CDH15: variants seen among roughly 807,000 people sequenced by gnomAD.
The protein encoded by CDH15 is cadherin 15.
A neutral mutation model predicts 69.4 loss-of-function variants in CDH15; 73 were observed. The observed-to-expected ratio is 1.05, with a 90% CI of 0.87 to 1.28. The LOEUF (loss-of-function observed/expected upper bound fraction) is 1.28. Ranked by LOEUF, CDH15 falls within the 50% of genes most tolerant of loss-of-function variation. CDH15 has a pLI of 0.00. For synonymous variants in CDH15, 624 were observed against 507.7 expected (o/e 1.23, Z -3.08); for missense variants, 1,343 against 1,133.6 (o/e 1.18, Z -2.65).
chr16:89,193,543 C>T lies in CDH15; in HGVS notation c.1929C>T (p.Pro643=). 6.2e-7 allele frequency: 1 copy of T among 1,611,728 alleles called. No individual in the cohort carries two copies. The highest frequency in any genetic ancestry group is 1.3e-5 in the African/African-American group (1 of 74,932). Residue 643 remains proline, a synonymous_variant, in exon 12 of 14, where the codon CCC becomes CCT. Coordinates refer to ENST00000289746, the MANE Select transcript of CDH15 (RefSeq NM_004933.3). ...GGGGCAAGGGGCTGCTGCACGGCCCCCAGGACGACCTTCGAGACAATGTCC... is the reference window on the plus strand; with the variant it reads ...GGGGCAAGGGGCTGCTGCACGGCCCTCAGGACGACCTTCGAGACAATGTCC... The part of the protein sequence containing the change: ...QSRGKGLLHG[P]QDDLRDNVLN...
At chr16:89,177,483 G>A (rs1028277496) in intron 1 of CDH15, among the ~76,000 whole-genome samples, 5 of 152,148 alleles carry the variant, frequency 3.3e-5, no homozygotes, top group African/African-American at 1.2e-4. Context: ...CCTCCAGGGA[G>A]GAGGGTCACC....
chr16:89,190,017 C>T (rs1230300593), intron 7 of CDH15, among the ~76,000 whole-genome samples: 1 of 152,250 alleles, frequency 6.6e-6, no homozygotes, highest in African/African-American at 2.4e-5. Flanking sequence ...GGAGTATGTG[C>T]TTGAACCCTG....
At chr16:89,183,737 G>A (rs2287357) in intron 4 of CDH15, 45 bp downstream of exon 4, 214,769 of 1,551,940 alleles carry the variant, frequency 0.14, 16,859 homozygotes, top group East Asian at 0.38. Context: ...CTGCAAGGAA[G>A]GGCTCTGTGA....
intron 10 of CDH15, 25 bp downstream of exon 10, chr16:89,191,919 C>G: frequency 1.3e-6 from 2 of 1,521,986 alleles, no homozygotes; most frequent in Non-Finnish European, 1.8e-6. Flanking sequence ...CCGCCGCGCT[C>G]CCCCCATCCC....
chr16:89,187,513 C>G lies in CDH15; in HGVS notation c.748C>G (p.Leu250Val), dbSNP rs534958255. ...LTATASAIIT[L>V]DDINDNAPEF... ...AGCCACTGCCTCAGCCATCATCACC[C>G]TTGATGACATCAATGACAATGCCCC... The change falls in exon 6 of 14, where the codon CTT (leucine) becomes GTT (valine). Residue 250 changes from leucine (L) to valine (V), a missense_variant. Leu to Val is a conservative substitution (Grantham distance 32). Coordinates refer to ENST00000289746, the MANE Select transcript of CDH15 (RefSeq NM_004933.3). 4 of 1,613,604 alleles carry G rather than the reference C, an allele frequency of 2.5e-6. No individual in the cohort carries two copies. The South Asian group carries it at 3.3e-5, about 13-fold the overall frequency.
chr16:89,195,063 G>A lies in CDH15; in HGVS notation c.2353G>A (p.Gly785Arg), dbSNP rs149307887. The A allele has an allele frequency of 9.3e-4, 1,503 of 1,612,508 alleles. 16 individuals carry two copies. The East Asian group carries it at 0.025, about 27-fold the overall frequency. ...GGCAGACATGTATGGGCACCCGTGCGGGTTGGAGTACGGGGCCAGATGGGA... is the reference window on the plus strand; with the variant it reads ...GGCAGACATGTATGGGCACCCGTGCAGGTTGGAGTACGGGGCCAGATGGGA... ...RLADMYGHPC[G>R]LEYGARWDHQ... Residue 785 changes from glycine to arginine, a missense_variant, in exon 14 of 14, where the codon GGG becomes AGG. By Grantham distance (125) the Gly-to-Arg change is moderately radical (BLOSUM62 -2). Coordinates refer to ENST00000289746, the MANE Select transcript of CDH15 (RefSeq NM_004933.3).
In CDH15 at chr16:89,191,905, C is replaced by T. The variant is rs778614357; in HGVS notation, c.1615+11C>T. On this transcript the variant is annotated intron_variant, in intron 10 of 13. Coordinates refer to ENST00000289746, the MANE Select transcript of CDH15 (RefSeq NM_004933.3). ...TCAGCCAGGTCAACGGTGCGCTCCC[C>T]TCACCGCCGCGCTCCCCCCATCCCC... 7.1e-6 allele frequency: 11 copies of T among 1,541,128 alleles called. No individual in the cohort carries two copies. In the East Asian group the frequency reaches 2.4e-4, roughly 34 times the overall value.
intron 7 of CDH15, among the ~76,000 whole-genome samples, chr16:89,188,663 T>C (rs1236808180): frequency 2.5e-5 from 3 of 120,464 alleles, no homozygotes; most frequent in Admixed American, 9.1e-5. Flanking sequence ...CACACACAGA[T>C]GCCCACACAC....
intron 8 of CDH15, among the ~76,000 whole-genome samples, chr16:89,190,702 C>A (rs1193198729): frequency 6.6e-6 from 1 of 152,098 alleles, no homozygotes; most frequent in Non-Finnish European, 1.5e-5. Flanking sequence ...AGGCCCAACT[C>A]CAGCCTGTGC....
chr16:89,191,988 G>T, intron 10 of CDH15, 94 bp downstream of exon 10: 1 of 1,309,976 alleles, frequency 7.6e-7, no homozygotes, highest in Non-Finnish European at 1.0e-6. Flanking sequence ...TGAGGGGCAT[G>T]CAAACCCGTG....
Position 89,191,671 on chromosome 16 carries a change from C to T in CDH15, c.1392C>T (p.Thr464=), listed in dbSNP as rs768449943. Reference sequence around the variant, plus strand: ...CGCCTGCAGCCTCCCAGCCCCGCACCGCCACCGGCACCCTGTCCATCGAGA... The same window carrying T: ...CGCCTGCAGCCTCCCAGCCCCGCACTGCCACCGGCACCCTGTCCATCGAGA... ...LAQDDASQPR[T]ATGTLSIEIL... Residue 464 remains threonine, a synonymous_variant, in exon 10 of 14, where the codon ACC becomes ACT. Coordinates refer to ENST00000289746, the MANE Select transcript of CDH15 (RefSeq NM_004933.3). The T allele has an allele frequency of 1.9e-5, 30 of 1,594,054 alleles. No homozygotes were observed. The highest frequency in any genetic ancestry group is 4.5e-5 in the South Asian group (4 of 89,832).
At chr16:89,180,997 C>CTTTTTTTTTTTTTTTTTTTTTTTTT (rs1567771877) in intron 3 of CDH15, among the ~76,000 whole-genome samples, 1 of 70,024 alleles carries the variant, frequency 1.4e-5, no homozygotes, top group African/African-American at 6.0e-5. Context: ...TGAGATGGAG[C>CTTTTTTTTTTTTTTTTTTTTTTTTT]TTCACTCTAC....
In CDH15 at chr16:89,180,261, A is replaced by G. The variant is rs1431673236; in HGVS notation, c.263A>G (p.Asp88Gly). Residue 88 changes from aspartate (D) to glycine (G), a missense_variant, in exon 3 of 14, where the codon GAT (aspartate) becomes GGT (glycine). Asp to Gly is a moderately conservative substitution (Grantham distance 94). Transcript: ENST00000289746. The part of the protein sequence containing the change: ...VIYSIQGPGV[D>G]EEPRGVFSID... Reference sequence around the variant, plus strand: ...TACAGCATCCAGGGACCCGGCGTGGATGAGGAGCCCCGGGGCGTCTTCTCT... The same window carrying G: ...TACAGCATCCAGGGACCCGGCGTGGGTGAGGAGCCCCGGGGCGTCTTCTCT... 6.2e-7 allele frequency: 1 copy of G among 1,610,556 alleles called. No homozygotes were observed. Among genetic ancestry groups the G allele is most frequent in the Admixed American group, 1.7e-5 (1 of 59,702 alleles).
At position 89,191,738 on chromosome 16, in the gene CDH15, C is replaced by T. The variant is rs1350003949; in HGVS notation, c.1459C>T (p.Pro487Ser). The T allele has an allele frequency of 6.2e-7, 1 of 1,604,414 alleles. No homozygotes were observed. The highest frequency in any genetic ancestry group is 1.3e-5 in the African/African-American group (1 of 74,874). Reference protein sequence around the residue: ...NDHAPVLAPPPPGSLCSEPHQ... With the variant: ...NDHAPVLAPPSPGSLCSEPHQ... The stretch of plus-strand genomic sequence containing the variant: ...CCATGCACCTGTGCTGGCCCCGCCG[C>T]CGCCGGGCAGCCTGTGCAGCGAGCC... Residue 487 changes from proline to serine, a missense_variant, in exon 10 of 14, where the codon CCG becomes TCG. By Grantham distance (74) the Pro-to-Ser change is moderately conservative. Coordinates refer to ENST00000289746, the MANE Select transcript of CDH15 (RefSeq NM_004933.3).
At position 89,188,246 on chromosome 16, in the gene CDH15, G is replaced by A. The variant is rs769047556; in HGVS notation, c.939G>A (p.Thr313=). ...GDPDGQFTIR[T]DPKTNEGVLS... ...CCGATGGGCAGTTCACCATCCGCAC[G>A]GACCCCAAGACCAACGAGGGTGTTC... The change falls in exon 7 of 14, where the codon ACG becomes ACA. Residue 313 remains threonine (T), a synonymous_variant. Coordinates refer to ENST00000289746, the MANE Select transcript of CDH15 (RefSeq NM_004933.3). 1.5e-5 allele frequency: 25 copies of A among 1,613,406 alleles called. No individual in the cohort carries two copies. The highest frequency in any genetic ancestry group is 9.3e-5 in the African/African-American group (7 of 74,940).
At chr16:89,193,982 A>C (rs1915725734) in intron 13 of CDH15, 69 bp downstream of exon 13, 1 of 1,524,206 alleles carries the variant, frequency 6.6e-7, no homozygotes, top group African/African-American at 1.4e-5. Context: ...GCACATGTAC[A>C]CACCTGCACA....
chr16:89,180,964 C>T (rs548411835), intron 3 of CDH15, among the ~76,000 whole-genome samples: 6 of 103,722 alleles, frequency 5.8e-5, no homozygotes, highest in African/African-American at 1.1e-4. Flanking sequence ...AGTGAGCCAC[C>T]GCGCCCGACC....
chr16:89,181,529 G>C (rs1183419786), intron 3 of CDH15, among the ~76,000 whole-genome samples: 1 of 152,236 alleles, frequency 6.6e-6, no homozygotes, highest in Non-Finnish European at 1.5e-5. Context: ...TGTGGTCCCA[G>C]CTGCTTGGAA....
chr16:89,179,449 A>C lies in CDH15; in HGVS notation c.76A>C (p.Arg26=). The part of the protein sequence containing the change: ...LCLSLGVPGW[R]RPTTLYPWRR... ...CCTGTCTTTGGGGGTTCCTGGATGG[A>C]GGAGGCCCACCACCCTGTACCCCTG... The change falls in exon 2 of 14, where the codon AGG becomes CGG. Residue 26 remains arginine, a synonymous_variant. Transcript: ENST00000289746. The C allele has an allele frequency of 1.2e-6, 2 of 1,613,560 alleles. No individual in the cohort carries two copies. The highest frequency in any genetic ancestry group is 1.7e-6 in the Non-Finnish European group (2 of 1,179,870).
Sources: allele counts gnomAD v4.1 joint callset (sites outside exome capture counted in the v4.1 genomes callset), GRCh38; gene constraint gnomAD v4.1.1; transcripts MANE v1.5; gene names NCBI Gene and HGNC (gene_info 2026-07-23, HGNC 2026-07-21).